Variants in SPDYE12 observed in about 807,000 individuals in gnomAD.
The protein encoded by SPDYE12 is speedy/RINGO cell cycle regulator family member E12.
the SPDYE12 span, among the ~76,000 whole-genome samples, chr7:74,907,804 C>T: frequency 1.6e-4 from 24 of 149,250 alleles, no homozygotes; most frequent in Admixed American, 2.7e-4. Flanking sequence ...GCCCTGTAGT[C>T]GGAGCTAATC....
the SPDYE12 span, chr7:74,909,440 A>C: frequency 2.1e-6 from 2 of 937,362 alleles, no homozygotes; most frequent in African/African-American, 3.2e-5. Flanking sequence ...AGGTGAAAGA[A>C]TAAATGAAAG....
the SPDYE12 span, chr7:74,909,534 A>G: frequency 2.7e-5 from 42 of 1,576,606 alleles, no homozygotes; most frequent in Non-Finnish European, 3.5e-5. Context: ...AGCCAGGAAG[A>G]AATGAATGCG....
At chr7:74,915,064 G>A in the SPDYE12 span, among the ~76,000 whole-genome samples, 1 of 151,972 alleles carries the variant, frequency 6.6e-6, no homozygotes, top group African/African-American at 2.4e-5. Flanking sequence ...CCATTGCTGT[G>A]GAAGTCCCAT....
chr7:74,909,765 G>A, the SPDYE12 span, among the ~76,000 whole-genome samples: 4 of 151,024 alleles, frequency 2.6e-5, no homozygotes, highest in Admixed American at 2.7e-4. Context: ...GGGGTGGAGG[G>A]GTATTCGAAG....
chr7:74,909,090 G>A, the SPDYE12 span, among the ~76,000 whole-genome samples: 1 of 104,802 alleles, frequency 9.5e-6, no homozygotes, highest in South Asian at 3.3e-4. Flanking sequence ...GTCTCACTCT[G>A]TTGCCCAGGC....
chr7:74,908,873 G>C, the SPDYE12 span, among the ~76,000 whole-genome samples: 2 of 148,876 alleles, frequency 1.3e-5, no homozygotes, highest in Non-Finnish European at 3.0e-5. Flanking sequence ...AGTGGAGACA[G>C]GGTTTCACCA....
the SPDYE12 span, among the ~76,000 whole-genome samples, chr7:74,904,760 A>T: frequency 1.3e-5 from 2 of 150,032 alleles, no homozygotes; most frequent in Non-Finnish European, 3.0e-5. Context: ...AGTATTTCCA[A>T]AATATTTAAA....
At chr7:74,910,553 G>A in the SPDYE12 span, among the ~76,000 whole-genome samples, 1 of 149,212 alleles carries the variant, frequency 6.7e-6, no homozygotes, top group African/African-American at 2.4e-5. Flanking sequence ...AGCCAGGCGT[G>A]GTGGTTCATG....
At chr7:74,909,393 T>C in the SPDYE12 span, 1 of 1,403,532 alleles carries the variant, frequency 7.1e-7, no homozygotes, top group Non-Finnish European at 1.0e-6. Flanking sequence ...GATACTATAA[T>C]CCTGTCTTTT....
At chr7:74,908,823 G>A in the SPDYE12 span, among the ~76,000 whole-genome samples, 12 of 148,210 alleles carry the variant, frequency 8.1e-5, no homozygotes, top group South Asian at 4.3e-4. Flanking sequence ...ACAGGCGCCC[G>A]CCACCACACC....
chr7:74,909,784 CA>C, the SPDYE12 span, among the ~76,000 whole-genome samples: 1 of 150,690 alleles, frequency 6.6e-6, no homozygotes, highest in Non-Finnish European at 1.5e-5. Flanking sequence ...AGGTCGGATG[CA>C]AATCCGAGAA....
At chr7:74,914,259 CGA>C in the SPDYE12 span, among the ~76,000 whole-genome samples, 4 of 21,418 alleles carry the variant, frequency 1.9e-4, no homozygotes, top group African/African-American at 6.0e-4. Context: ...AAGACTAAGT[CGA>C]AAAATCTCAG....
chr7:74,904,576 C>G, the SPDYE12 span, among the ~76,000 whole-genome samples: 36 of 151,440 alleles, frequency 2.4e-4, no homozygotes, highest in Admixed American at 6.0e-4. Flanking sequence ...TAGATAAAAA[C>G]CATGCTCCCC....
the SPDYE12 span, among the ~76,000 whole-genome samples, chr7:74,908,381 A>T: frequency 9.0e-6 from 1 of 110,902 alleles, no homozygotes; most frequent in Non-Finnish European, 1.9e-5. Context: ...CTTTGGAAAG[A>T]TGTTCAGGCT....
At chr7:74,908,661 CTTTTTTTTTTTTTTT>C in the SPDYE12 span, among the ~76,000 whole-genome samples, 7 of 58,598 alleles carry the variant, frequency 1.2e-4, no homozygotes, top group African/African-American at 2.2e-4. Flanking sequence ...GTTTTTTGTT[CTTTTTTTTTTTTTTT>C]TTTTTTTTTT....
the SPDYE12 span, among the ~76,000 whole-genome samples, chr7:74,907,424 C>T: frequency 6.6e-6 from 1 of 151,252 alleles, no homozygotes; most frequent in Non-Finnish European, 1.5e-5. Flanking sequence ...GCAAGACCCT[C>T]GTCTCTATTA....
chr7:74,907,038 G>T, the SPDYE12 span: 9 of 1,576,202 alleles, frequency 5.7e-6, 1 homozygote, highest in South Asian at 9.9e-5. Context: ...CGTACAGGAA[G>T]TAGAAGATGT....
the SPDYE12 span, among the ~76,000 whole-genome samples, chr7:74,914,995 G>A: frequency 1.3e-5 from 2 of 151,490 alleles, no homozygotes; most frequent in South Asian, 2.1e-4. Flanking sequence ...AACGGGCTGC[G>A]GCTCTCCTAG....
At chr7:74,906,151 A>G in the SPDYE12 span, among the ~76,000 whole-genome samples, 3 of 117,114 alleles carry the variant, frequency 2.6e-5, no homozygotes, top group Non-Finnish European at 5.1e-5. Flanking sequence ...TAATGTGACA[A>G]CATCACGAAC....
Sources: allele counts gnomAD v4.1 joint callset (sites outside exome capture counted in the v4.1 genomes callset), GRCh38; gene constraint gnomAD v4.1.1; transcripts MANE v1.5; gene names NCBI Gene and HGNC (gene_info 2026-07-23, HGNC 2026-07-21).